AGPS: variants seen among roughly 807,000 people sequenced by gnomAD.
AGPS encodes alkyldihydroxyacetonephosphate synthase, peroxisomal.
Under a neutral mutation model 90.7 loss-of-function variants are expected in AGPS, and 26 were observed. That is an observed-to-expected ratio of 0.29 (90% CI 0.21 to 0.40). The LOEUF (loss-of-function observed/expected upper bound fraction) is 0.40. AGPS is among the 10% of genes least tolerant of loss of function. AGPS has a pLI of 1.00. For missense variants in AGPS, 540 were observed against 816.1 expected (o/e 0.66, Z 4.12); for synonymous variants, 294 against 285.3 (o/e 1.03, Z -0.31).
intron 11 of AGPS, among the ~76,000 whole-genome samples, chr2:177,492,542 T>A (rs1461599739): frequency 2.6e-5 from 4 of 152,238 alleles, no homozygotes; most frequent in Non-Finnish European, 5.9e-5. Flanking sequence ...TTAACATTTT[T>A]AAACTATTAT....
In AGPS at chr2:177,475,079, A is replaced by T. The variant is rs188931257; in HGVS notation, c.1105+6555A>T. ...AAAGTTTTCCATAGTCTATGGACAG[A>T]TAAGAGCAAATAGAAGAGATGATTC... is the stretch of plus-strand genomic sequence containing the variant. On this transcript the variant is annotated intron_variant, in intron 10 of 19. Transcript: ENST00000264167. 3.8e-4 allele frequency among the ~76,000 whole-genome samples: 58 copies of T among 152,344 alleles called. No individual in the cohort carries two copies. The East Asian group carries it at 9.4e-3, about 25-fold the overall frequency.
chr2:177,478,071 G>A (rs1687834571), intron 10 of AGPS, among the ~76,000 whole-genome samples: 1 of 150,772 alleles, frequency 6.6e-6, no homozygotes, highest in Admixed American at 6.6e-5. Flanking sequence ...TTTTATCTGG[G>A]AATGTCTTTA....
At chr2:177,490,761 CAT>C (rs1688230245) in intron 11 of AGPS, among the ~76,000 whole-genome samples, 1 of 149,350 alleles carries the variant, frequency 6.7e-6, no homozygotes, top group African/African-American at 2.5e-5. Flanking sequence ...CTATCCACTT[CAT>C]ATATTCAACA....
At chr2:177,436,409 G>A (rs1342787329) in intron 3 of AGPS, among the ~76,000 whole-genome samples, 1 of 151,932 alleles carries the variant, frequency 6.6e-6, no homozygotes, top group Non-Finnish European at 1.5e-5. Flanking sequence ...CTTGGCCTCC[G>A]AAAGTGCTGG....
intron 10 of AGPS, among the ~76,000 whole-genome samples, chr2:177,478,016 G>T (rs560640177): frequency 6.6e-6 from 1 of 152,130 alleles, no homozygotes; most frequent in Non-Finnish European, 1.5e-5. Flanking sequence ...GTCACCTTTG[G>T]TATTTATTTT....
chr2:177,446,193 G>A (rs1225549920), intron 8 of AGPS, among the ~76,000 whole-genome samples: 3 of 151,006 alleles, frequency 2.0e-5, no homozygotes, highest in Non-Finnish European at 2.9e-5. Context: ...TCACTCTGTC[G>A]CCCAGGCTGG....
intron 10 of AGPS, among the ~76,000 whole-genome samples, chr2:177,478,790 T>A (rs777464817): frequency 5.3e-5 from 8 of 151,928 alleles, no homozygotes; most frequent in Non-Finnish European, 8.8e-5. Context: ...GAAGGGATAG[T>A]TCTGGAGATT....
At chr2:177,472,246 T>C (rs974830399) in intron 10 of AGPS, among the ~76,000 whole-genome samples, 1 of 152,014 alleles carries the variant, frequency 6.6e-6, no homozygotes, top group Non-Finnish European at 1.5e-5. Flanking sequence ...TTAATTTTCA[T>C]TCTCTTGATT....
At chr2:177,423,756 A>G (rs1400080965) in intron 2 of AGPS, among the ~76,000 whole-genome samples, 1 of 152,134 alleles carries the variant, frequency 6.6e-6, no homozygotes, top group Non-Finnish European at 1.5e-5. Context: ...CTTTTCCCCT[A>G]TGTTAGGAGA....
intron 1 of AGPS, among the ~76,000 whole-genome samples, chr2:177,413,821 C>T (rs1200210236): frequency 6.6e-6 from 1 of 152,132 alleles, no homozygotes; most frequent in Non-Finnish European, 1.5e-5. Flanking sequence ...GCCCTTACCA[C>T]AAAATATTTG....
intron 2 of AGPS, among the ~76,000 whole-genome samples, chr2:177,423,834 CTCTAGA>C (rs934730152): frequency 3.3e-4 from 50 of 152,166 alleles, no homozygotes; most frequent in African/African-American, 1.1e-3. Flanking sequence ...GTTTATAAAT[CTCTAGA>C]TTTATCACTT....
At chr2:177,508,894 C>T (rs1688785488) in intron 16 of AGPS, among the ~76,000 whole-genome samples, 1 of 152,144 alleles carries the variant, frequency 6.6e-6, no homozygotes, top group African/African-American at 2.4e-5. Flanking sequence ...TACTCAAAAA[C>T]TCTCAGATTT....
chr2:177,426,542 CTCT>C (rs1686085760), intron 2 of AGPS, among the ~76,000 whole-genome samples: 1 of 152,024 alleles, frequency 6.6e-6, no homozygotes, highest in African/African-American at 2.4e-5. Context: ...TTATATATGG[CTCT>C]TATTATTTTG....
chr2:177,512,122 T>A (rs1300070685), intron 16 of AGPS, among the ~76,000 whole-genome samples: 1 of 152,116 alleles, frequency 6.6e-6, no homozygotes, highest in Non-Finnish European at 1.5e-5. Flanking sequence ...TTACTACTTT[T>A]ATAAATTTGT....
chr2:177,394,001 C>G (rs73025657), intron 1 of AGPS, among the ~76,000 whole-genome samples: 3 of 152,158 alleles, frequency 2.0e-5, no homozygotes, highest in Non-Finnish European at 4.4e-5. Context: ...GTGCGGTTTT[C>G]TCCCATTTTA....
chr2:177,492,552 T>C lies in AGPS; in HGVS notation c.1234-596T>C, dbSNP rs530392091. On this transcript the variant is annotated intron_variant, in intron 11 of 19. Coordinates refer to ENST00000264167, the MANE Select transcript of AGPS (RefSeq NM_003659.4). Reference sequence around the variant, plus strand: ...TTTCTTTAACATTTTTAAACTATTATACATTTAATAAGACTACAAAATAGA... The same window carrying C: ...TTTCTTTAACATTTTTAAACTATTACACATTTAATAAGACTACAAAATAGA... Among the ~76,000 whole-genome samples, 16 of 152,354 alleles carry C rather than the reference T, an allele frequency of 1.1e-4. No homozygotes were observed. In the Middle Eastern group the frequency reaches 0.01, roughly 97 times the overall value.
At chr2:177,419,550 A>G (rs1000989732) in intron 1 of AGPS, among the ~76,000 whole-genome samples, 1 of 151,928 alleles carries the variant, frequency 6.6e-6, no homozygotes, top group Non-Finnish European at 1.5e-5. Flanking sequence ...AAATTGAATG[A>G]TTCAACCATT....
At chr2:177,393,319 T>G (rs1457842851) in intron 1 of AGPS, 2 of 985,290 alleles carry the variant, frequency 2.0e-6, no homozygotes, top group African/African-American at 1.7e-5. Flanking sequence ...AAAGGATTCC[T>G]TTTTCCTGAG....
At chr2:177,520,179 A>G (rs765230672) in intron 17 of AGPS, among the ~76,000 whole-genome samples, 11 of 152,138 alleles carry the variant, frequency 7.2e-5, no homozygotes, top group East Asian at 1.9e-4. Context: ...CTGACTTCCT[A>G]TCTCATCTTG....
Sources: allele counts gnomAD v4.1 joint callset (sites outside exome capture counted in the v4.1 genomes callset), GRCh38; gene constraint gnomAD v4.1.1; transcripts MANE v1.5; gene names NCBI Gene and HGNC (gene_info 2026-07-23, HGNC 2026-07-21).